The following LARP1B variants were observed in gnomAD, a reference collection of about 807,000 sequenced individuals.
LARP1B encodes la-related protein 1B.
In LARP1B, 76 loss-of-function variants were observed where a neutral mutation model predicts 114.2. The observed-to-expected ratio is 0.67, with a 90% CI of 0.55 to 0.81. The LOEUF is 0.81. Ranked by LOEUF, LARP1B falls within the 30% of genes least tolerant of loss-of-function variation. The probability of loss-of-function intolerance (pLI) is 0.00; values close to 1 mark genes in which losing one functional copy is unlikely to be tolerated. For missense variants in LARP1B, 1,014 were observed against 1,075.8 expected, an observed-to-expected ratio of 0.94 and a Z score of 0.80; for synonymous variants, 345 against 348.0, an observed-to-expected ratio of 0.99 and a Z score of 0.10.
chr4:128,108,316 C>G (rs1782785741), intron 9 of LARP1B: 1 of 1,012,936 alleles, frequency 9.9e-7, no homozygotes, highest in African/African-American at 1.7e-5. Context: ...TTCCCAGATT[C>G]TTAAGTACTT....
At chr4:128,176,194 T>A (rs1745941977) in intron 12 of LARP1B, among the ~76,000 whole-genome samples, 2 of 143,856 alleles carry the variant, frequency 1.4e-5, no homozygotes, top group Admixed American at 1.4e-4. Context: ...ATAAATATAT[T>A]TTTATATATT....
At position 128,200,632 on chromosome 4, in the gene LARP1B, A is replaced by G. The variant is rs1755640297; in HGVS notation, c.2276A>G (p.Gln759Arg). 1 of 1,585,916 alleles carries G rather than the reference A, an allele frequency of 6.3e-7. No individual in the cohort carries two copies. Among genetic ancestry groups the G allele is most frequent in the Non-Finnish European group, 8.6e-7 (1 of 1,169,278 alleles). Reference protein sequence around the residue: ...FNKKMYEEFRQLAWEDAKENY... With the variant: ...FNKKMYEEFRRLAWEDAKENY... ...AAAAAAATGTATGAGGAATTTAGAC[A>G]ACTTGCTTGGGAAGATGCAAAAGAA... The change falls in exon 17 of 20, where the codon CAA becomes CGA. Residue 759 changes from glutamine (Q) to arginine (R), a missense_variant. Coordinates refer to ENST00000326639, the MANE Select transcript of LARP1B (RefSeq NM_018078.4).
chr4:128,121,933 A>G lies in LARP1B; in HGVS notation c.1269A>G (p.Gly423=), dbSNP rs755802662. The change falls in exon 11 of 20, where the codon GGA becomes GGG. Residue 423 remains glycine, a synonymous_variant. Coordinates refer to ENST00000326639, the MANE Select transcript of LARP1B (RefSeq NM_018078.4). ...FLFDEEIEQI[G]RKNTFTDWSD... ...TTGATGAAGAGATTGAACAAATAGG[A>G]CGAAAAAACACATTTACTGATTGGT... The G allele has an allele frequency of 8.7e-6, 14 of 1,612,686 alleles. No individual in the cohort carries two copies. The African/African-American group carries it at 1.7e-4, about 20-fold the overall frequency.
At chr4:128,145,546 T>C (rs1160295115) in intron 11 of LARP1B, among the ~76,000 whole-genome samples, 1 of 152,184 alleles carries the variant, frequency 6.6e-6, no homozygotes, top group African/African-American at 2.4e-5. Context: ...GACCCTCACA[T>C]GGACTTATTG....
chr4:128,196,667 T>C (rs1157632720), intron 15 of LARP1B, among the ~76,000 whole-genome samples: 2 of 151,862 alleles, frequency 1.3e-5, no homozygotes, highest in African/African-American at 4.8e-5. Flanking sequence ...CAATCTCGGC[T>C]CACTGCAACC....
chr4:128,148,847 G>A (rs1394630029), intron 11 of LARP1B, among the ~76,000 whole-genome samples: 2 of 152,112 alleles, frequency 1.3e-5, no homozygotes, highest in African/African-American at 2.4e-5. Context: ...GGCTGGTCTC[G>A]AAGTCCTGAC....
intron 11 of LARP1B, chr4:128,123,580 T>C (rs1287834779): frequency 2.6e-6 from 1 of 382,886 alleles, no homozygotes; most frequent in Non-Finnish European, 3.6e-6. Context: ...GTAATACCAA[T>C]GACAATAGGA....
intron 15 of LARP1B, among the ~76,000 whole-genome samples, chr4:128,184,656 C>T (rs757550070): frequency 6.6e-6 from 1 of 152,034 alleles, no homozygotes; most frequent in Non-Finnish European, 1.5e-5. Context: ...TATGGTTATT[C>T]TACTGTACTA....
intron 5 of LARP1B, 43 bp downstream of exon 5, chr4:128,082,348 A>T: frequency 6.4e-7 from 1 of 1,563,206 alleles, no homozygotes; most frequent in Non-Finnish European, 8.8e-7. Context: ...GGAAAGACTT[A>T]GTCTTAATGC....
chr4:128,069,434 A>G (rs963329522), intron 1 of LARP1B: 9 of 760,282 alleles, frequency 1.2e-5, no homozygotes, highest in Non-Finnish European at 1.9e-5. Flanking sequence ...CATGGCGAAC[A>G]CGAATCCTAT....
At chr4:128,202,094 G>A (rs1199680912) in intron 17 of LARP1B, among the ~76,000 whole-genome samples, 1 of 152,128 alleles carries the variant, frequency 6.6e-6, no homozygotes. Flanking sequence ...CAGATCCATG[G>A]CAGGTGTACT....
chr4:128,169,951 T>G (rs921379284), intron 12 of LARP1B, among the ~76,000 whole-genome samples: 1 of 152,172 alleles, frequency 6.6e-6, no homozygotes, highest in Non-Finnish European at 1.5e-5. Context: ...TTCTATGTAT[T>G]TTTATTTAAG....
intron 9 of LARP1B, chr4:128,107,882 G>A: frequency 6.5e-7 from 1 of 1,535,868 alleles, no homozygotes; most frequent in Non-Finnish European, 8.7e-7. Context: ...ACTTTTTTCA[G>A]TCAGGGTGAT....
chr4:128,082,413 A>T, intron 5 of LARP1B, 108 bp downstream of exon 5: 1 of 951,070 alleles, frequency 1.1e-6, no homozygotes, highest in Non-Finnish European at 1.6e-6. Context: ...TGAAGACATC[A>T]TGTCCCTTTA....
chr4:128,083,661 A>G (rs188803606), intron 5 of LARP1B, among the ~76,000 whole-genome samples: 80,947 of 121,852 alleles, frequency 0.66, 27,233 homozygotes, highest in Middle Eastern at 0.84. Context: ...GCGGCTGGCC[A>G]GGTGGGGGGG....
chr4:128,108,920 T>C (rs1783022220), intron 9 of LARP1B: 1 of 804,146 alleles, frequency 1.2e-6, no homozygotes, highest in African/African-American at 1.9e-5. Flanking sequence ...TACATTTTTG[T>C]GTTTTTTAAT....
Position 128,153,492 on chromosome 4 carries a change from G to A in LARP1B, c.1525-8702G>A, listed in dbSNP as rs141553709. Among the ~76,000 whole-genome samples, 58 of 152,102 alleles carry A rather than the reference G, an allele frequency of 3.8e-4. No individual in the cohort carries two copies. The East Asian group carries it at 9.5e-3, about 25-fold the overall frequency. Reference sequence around the variant, plus strand: ...GGCTAATTTTTGTACTTTTAGTAGAGATGGGGTTTCACCATTTTGGCCAGG... The same window carrying A: ...GGCTAATTTTTGTACTTTTAGTAGAAATGGGGTTTCACCATTTTGGCCAGG... On this transcript the variant is annotated intron_variant, in intron 11 of 19. Coordinates refer to ENST00000326639, the MANE Select transcript of LARP1B (RefSeq NM_018078.4).
chr4:128,209,077 A>G (rs909931623), intron 19 of LARP1B, among the ~76,000 whole-genome samples: 7 of 152,310 alleles, frequency 4.6e-5, no homozygotes, highest in South Asian at 2.1e-4. Context: ...CCTTATAGTT[A>G]TGCCCCATCA....
intron 8 of LARP1B, 68 bp downstream of exon 8, chr4:128,098,398 G>GA: frequency 1.5e-6 from 2 of 1,317,798 alleles, no homozygotes; most frequent in South Asian, 1.3e-5. Context: ...AAACTTCTCT[G>GA]AAAAACAGAG....
Sources: allele counts gnomAD v4.1 joint callset (sites outside exome capture counted in the v4.1 genomes callset), GRCh38; gene constraint gnomAD v4.1.1; transcripts MANE v1.5; gene names NCBI Gene and HGNC (gene_info 2026-07-23, HGNC 2026-07-21).